The following SH3RF2 variants were observed in gnomAD, a reference collection of about 807,000 sequenced individuals.
SH3RF2 encodes the protein E3 ubiquitin-protein ligase SH3RF2.
Under a neutral mutation model 59.0 loss-of-function variants are expected in SH3RF2, and 43 were observed. The observed-to-expected ratio is 0.73, with a 90% CI of 0.57 to 0.94. The LOEUF is 0.94. SH3RF2 is among the 40% of genes least tolerant of loss of function. The probability of loss-of-function intolerance (pLI) is 0.00; values close to 1 mark genes in which losing one functional copy is unlikely to be tolerated. For synonymous variants in SH3RF2, 391 were observed against 391.5 expected (o/e 1.00, Z 0.01); for missense variants, 930 against 940.1 (o/e 0.99, Z 0.14).
chr5:146,058,883 AAAAAGG>A, intron 8 of SH3RF2, among the ~76,000 whole-genome samples: 1 of 152,064 alleles, frequency 6.6e-6, no homozygotes, highest in Non-Finnish European at 1.5e-5. Context: ...AAAAAAAAAA[AAAAAGG>A]AAAAGAAAAA....
intron 2 of SH3RF2, among the ~76,000 whole-genome samples, chr5:145,945,344 A>G (rs900439090): frequency 2.6e-5 from 4 of 152,260 alleles, no homozygotes; most frequent in African/African-American, 7.2e-5. Context: ...ATGCAATGGT[A>G]TATAGTTTTA....
At chr5:145,949,467 G>T (rs1016589599) in intron 2 of SH3RF2, among the ~76,000 whole-genome samples, 9 of 152,220 alleles carry the variant, frequency 5.9e-5, no homozygotes, top group Non-Finnish European at 1.2e-4. Context: ...AGGCAAAGTG[G>T]CAGTAAATCT....
chr5:146,053,216 CG>C (rs1762557750), intron 7 of SH3RF2, among the ~76,000 whole-genome samples: 1 of 152,206 alleles, frequency 6.6e-6, no homozygotes, highest in East Asian at 1.9e-4. Context: ...GTCCAGCCCT[CG>C]GTGCTAGATG....
intron 2 of SH3RF2, among the ~76,000 whole-genome samples, chr5:145,986,747 C>T (rs1029631214): frequency 1.3e-5 from 2 of 152,074 alleles, no homozygotes; most frequent in African/African-American, 4.8e-5. Context: ...CTTGGATTAC[C>T]TCCTAGGATA....
chr5:146,038,784 G>C (rs1762029294), intron 5 of SH3RF2, among the ~76,000 whole-genome samples: 1 of 151,862 alleles, frequency 6.6e-6, no homozygotes, highest in East Asian at 2.0e-4. Flanking sequence ...TCTGTTTGCT[G>C]TTTGTTTTTA....
intron 5 of SH3RF2, among the ~76,000 whole-genome samples, chr5:146,046,727 T>G (rs1229523550): frequency 6.6e-6 from 1 of 152,084 alleles, no homozygotes; most frequent in African/African-American, 2.4e-5. Flanking sequence ...CAAGGCAATA[T>G]GTTTGCCAAA....
At chr5:146,031,000 C>T (rs983121505) in intron 5 of SH3RF2, among the ~76,000 whole-genome samples, 3 of 152,272 alleles carry the variant, frequency 2.0e-5, no homozygotes, top group Admixed American at 2.0e-4. Context: ...GATCCCTGGG[C>T]TAAAAGATTG....
chr5:145,956,992 A>G (rs1380914679), intron 2 of SH3RF2, among the ~76,000 whole-genome samples: 2 of 152,240 alleles, frequency 1.3e-5, no homozygotes, highest in Non-Finnish European at 2.9e-5. Context: ...CAGGCAGCAA[A>G]GATAGAAGTT....
At chr5:146,064,753 AGG>A (rs1299588904), downstream of SH3RF2, among the ~76,000 whole-genome samples, 2 of 5,872 alleles carry the variant, frequency 3.4e-4, no homozygotes, top group Non-Finnish European at 1.1e-3. Context: ...GAAGGAAGGA[AGG>A]AAGGAAGGAA....
intron 5 of SH3RF2, among the ~76,000 whole-genome samples, chr5:146,018,132 T>C (rs1761175062): frequency 6.6e-6 from 1 of 152,128 alleles, no homozygotes; most frequent in African/African-American, 2.4e-5. Flanking sequence ...GGGGTACAAG[T>C]GGTTTTTGGT....
At chr5:146,061,999 T>C (rs774380509) in intron 9 of SH3RF2, among the ~76,000 whole-genome samples, 8 of 152,144 alleles carry the variant, frequency 5.3e-5, no homozygotes, top group Non-Finnish European at 1.5e-5. Context: ...AATCTCTAAA[T>C]GGAGTCATCA....
At chr5:146,044,704 C>A (rs1412088756) in intron 5 of SH3RF2, among the ~76,000 whole-genome samples, 4 of 152,142 alleles carry the variant, frequency 2.6e-5, no homozygotes, top group Non-Finnish European at 5.9e-5. Flanking sequence ...GTATCTCTGT[C>A]CCAGTTTTAC....
chr5:145,968,712 G>C (rs916326409), intron 2 of SH3RF2, among the ~76,000 whole-genome samples: 6 of 152,120 alleles, frequency 3.9e-5, no homozygotes, highest in Non-Finnish European at 2.9e-5. Context: ...ATTTTTTATA[G>C]TAAGTCTTCA....
chr5:145,965,955 C>T (rs556311893), intron 2 of SH3RF2, among the ~76,000 whole-genome samples: 6 of 152,228 alleles, frequency 3.9e-5, no homozygotes, highest in South Asian at 4.2e-4. Flanking sequence ...TGAGTCTGAA[C>T]GAGCCAACCA....
chr5:146,011,833 C>T (rs1760914071), intron 4 of SH3RF2, among the ~76,000 whole-genome samples: 1 of 152,150 alleles, frequency 6.6e-6, no homozygotes, highest in African/African-American at 2.4e-5. Flanking sequence ...CAAAGAGGGA[C>T]AATTTGACTT....
chr5:146,027,469 C>T (rs1429973041), intron 5 of SH3RF2, among the ~76,000 whole-genome samples: 1 of 152,212 alleles, frequency 6.6e-6, no homozygotes, highest in Non-Finnish European at 1.5e-5. Context: ...CCACCAGGCA[C>T]TGAGCTGGGC....
rs76338221 is a variant in SH3RF2, at chr5:145,975,726, C to G, written c.379-24332C>G. 5.7e-3 allele frequency among the ~76,000 whole-genome samples: 863 copies of G among 152,362 alleles called. 16 individuals carry two copies. The highest frequency in any genetic ancestry group is 0.049 in the East Asian group (254 of 5,188). ...AAACTTAACACAGGACCACTGGACC[C>G]TTGGCAGAGAGCCAAAGGAAACAGA... On this transcript the variant is annotated intron_variant, in intron 2 of 9. Coordinates refer to ENST00000359120, the MANE Select transcript of SH3RF2 (RefSeq NM_152550.4).
At chr5:146,045,017 G>A (rs1158945373) in intron 5 of SH3RF2, among the ~76,000 whole-genome samples, 3 of 152,160 alleles carry the variant, frequency 2.0e-5, no homozygotes, top group African/African-American at 7.2e-5. Flanking sequence ...CCTCCCTAAA[G>A]GATTAATGGT....
intron 4 of SH3RF2, among the ~76,000 whole-genome samples, chr5:146,012,383 G>C (rs189800909): frequency 0.011 from 1,707 of 152,286 alleles, 26 homozygotes; most frequent in African/African-American, 0.039. Context: ...CTCATAAAAT[G>C]AGTTAGGGAG....
Sources: gnomAD v4.1 joint callset for allele counts (sites outside exome capture counted in the v4.1 genomes callset) on GRCh38, gnomAD v4.1.1 for gene constraint, MANE v1.5 for transcripts, NCBI Gene and HGNC (gene_info 2026-07-23, HGNC 2026-07-21) for gene names.